FUBP3: variants seen among roughly 807,000 people sequenced by gnomAD.
The protein encoded by FUBP3 is far upstream element binding protein 3.
In FUBP3, 28 loss-of-function variants were observed where a neutral mutation model predicts 85.6. The ratio of observed to expected loss-of-function variants is 0.33; its 90% CI spans 0.24 to 0.45. FUBP3 has a LOEUF of 0.45. Among genes scored for constraint, FUBP3 ranks in the 20% least tolerant of loss-of-function variants. FUBP3 has a pLI of 1.00. For missense variants in FUBP3, 583 were observed against 755.1 expected, an observed-to-expected ratio of 0.77 and a Z score of 2.67; for synonymous variants, 271 against 271.4, an observed-to-expected ratio of 1.00 and a Z score of 0.01.
Position 130,606,734 on chromosome 9 carries a change from C to T in FUBP3, c.191-3220C>T, listed in dbSNP as rs572814265. On this transcript the variant is annotated intron_variant, in intron 2 of 18. Coordinates refer to ENST00000319725, the MANE Select transcript of FUBP3 (RefSeq NM_003934.2). ...ACTCGGGAAGCTGAGGTAGGAGAAT[C>T]GCTTGAACCCAGGAGGCAGAGGTTG... is the stretch of plus-strand genomic sequence containing the variant. Among the ~76,000 whole-genome samples the T allele has an allele frequency of 5.4e-3, 818 of 152,046 alleles. 9 individuals are homozygous for T. Among genetic ancestry groups the T allele is most frequent in the Non-Finnish European group, 8.8e-3 (596 of 67,956 alleles).
chr9:130,605,653 T>C (rs899573838), intron 2 of FUBP3, among the ~76,000 whole-genome samples: 4 of 152,174 alleles, frequency 2.6e-5, no homozygotes, highest in African/African-American at 9.7e-5. Context: ...GTGGTGGTCT[T>C]TCCACTCACA....
At chr9:130,601,680 T>G (rs1336619444) in intron 2 of FUBP3, among the ~76,000 whole-genome samples, 1 of 152,142 alleles carries the variant, frequency 6.6e-6, no homozygotes, top group East Asian at 1.9e-4. Flanking sequence ...AGTACCACAC[T>G]TTCTACTTTT....
At chr9:130,579,912 G>A (rs1283700019) in intron 1 of FUBP3, 148 bp downstream of exon 1, 1 of 470,432 alleles carries the variant, frequency 2.1e-6, no homozygotes. Flanking sequence ...CTACAGCCGG[G>A]AGGAGCCGGG....
At chr9:130,605,408 G>A (rs1209403199) in intron 2 of FUBP3, among the ~76,000 whole-genome samples, 1 of 152,254 alleles carries the variant, frequency 6.6e-6, no homozygotes, top group Non-Finnish European at 1.5e-5. Context: ...ACAGTGATAA[G>A]TGTTGAAACC....
intron 2 of FUBP3, among the ~76,000 whole-genome samples, chr9:130,609,448 G>T: frequency 7.0e-6 from 1 of 143,128 alleles, no homozygotes; most frequent in South Asian, 2.6e-4. Flanking sequence ...GGGGTGGGGG[G>T]GCCGGCGAGG....
intron 12 of FUBP3, among the ~76,000 whole-genome samples, chr9:130,627,751 G>C (rs908806580): frequency 6.6e-6 from 1 of 152,228 alleles, no homozygotes; most frequent in African/African-American, 2.4e-5. Context: ...GCTAGTTGAT[G>C]CCTGTAGGTT....
At position 130,616,560 on chromosome 9, in the gene FUBP3, A is replaced by G; in HGVS notation, c.567+43A>G. On this transcript the variant is annotated intron_variant, in intron 7 of 18. Coordinates refer to ENST00000319725, the MANE Select transcript of FUBP3 (RefSeq NM_003934.2). This position sits in a 1 kb window ranked among gnomAD's most constrained non-coding sequence, Gnocchi z 4.7. ...ACGGAGCACAGCGGCCGCTCGCAGC[A>G]GGTCTTCAGCTTCCTGGCCCAGGAG... The G allele has an allele frequency of 6.3e-7, 1 of 1,593,544 alleles. No homozygotes were observed. Among genetic ancestry groups the G allele is most frequent in the Non-Finnish European group, 8.6e-7 (1 of 1,162,630 alleles).
intron 13 of FUBP3, 135 bp from the exon 14 acceptor site, chr9:130,631,422 G>A (rs1456737733): frequency 8.1e-7 from 1 of 1,241,946 alleles, no homozygotes; most frequent in Non-Finnish European, 1.1e-6. Flanking sequence ...AGGAAGGCTA[G>A]TGTGAGTGCG....
chr9:130,631,215 GCCACTGCT>G, intron 13 of FUBP3: 1 of 1,223,946 alleles, frequency 8.2e-7, no homozygotes, highest in Non-Finnish European at 1.0e-6. Context: ...GGACAGATGG[GCCACTGCT>G]CACCTCAATG....
Position 130,593,327 on chromosome 9 carries a change from G to A in FUBP3, c.85-2156G>A, listed in dbSNP as rs143956540. On this transcript the variant is annotated intron_variant, in intron 1 of 18. Coordinates refer to ENST00000319725, the MANE Select transcript of FUBP3 (RefSeq NM_003934.2). ...TGACTCTTAAGTGCCAGGCCTGGTA[G>A]TTCTCCTTCACCACAAAAGCTCCAG... Among the ~76,000 whole-genome samples the A allele has an allele frequency of 6.0e-3, 921 of 152,318 alleles. 14 individuals carry two copies. Among genetic ancestry groups the A allele is most frequent in the African/African-American group, 0.021 (875 of 41,562 alleles).
intron 1 of FUBP3, among the ~76,000 whole-genome samples, chr9:130,588,923 G>T (rs969004139): frequency 6.6e-6 from 1 of 152,182 alleles, no homozygotes. Context: ...TCCCAGGCAG[G>T]ACCTCTCTGG....
intron 8 of FUBP3, among the ~76,000 whole-genome samples, chr9:130,619,724 G>A (rs972398436): frequency 6.6e-6 from 1 of 152,214 alleles, no homozygotes; most frequent in African/African-American, 2.4e-5. Flanking sequence ...CTTGCCAAGT[G>A]TGTGTTTTGG....
At chr9:130,628,799 C>T (rs1008849693) in intron 12 of FUBP3, among the ~76,000 whole-genome samples, 4 of 151,800 alleles carry the variant, frequency 2.6e-5, no homozygotes, top group African/African-American at 4.8e-5. Flanking sequence ...GATGGAGTTT[C>T]GCTTTTGTTG....
At position 130,617,806 on chromosome 9, in the gene FUBP3, G is replaced by A. The variant is rs767798012; in HGVS notation, c.577G>A (p.Gly193Arg). ...TGTGTGTTCCCCACAGGAGCGGACAGGGGTGAAGATGGTCATGATCCAGGA... is the reference window on the plus strand; with the variant it reads ...TGTGTGTTCCCCACAGGAGCGGACAAGGGTGAAGATGGTCATGATCCAGGA... ...ETIKQLQERT[G>R]VKMVMIQDGP... Residue 193 changes from glycine to arginine, a missense_variant, in exon 8 of 19, where the codon GGG becomes AGG. Coordinates refer to ENST00000319725, the MANE Select transcript of FUBP3 (RefSeq NM_003934.2). 1 of 1,594,018 alleles carries A rather than the reference G, an allele frequency of 6.3e-7. No individual in the cohort carries two copies. The highest frequency in any genetic ancestry group is 8.6e-7 in the Non-Finnish European group (1 of 1,161,604).
At chr9:130,634,507 C>G in intron 16 of FUBP3, 160 bp from the exon 17 acceptor site, 1 of 608,286 alleles carries the variant, frequency 1.6e-6, no homozygotes, top group Non-Finnish European at 2.9e-6. Flanking sequence ...CCCCTTCCCC[C>G]AGCCCTGCCA....
At chr9:130,610,168 T>A (rs1831666780) in intron 3 of FUBP3, among the ~76,000 whole-genome samples, 181 bp downstream of exon 3, 1 of 152,256 alleles carries the variant, frequency 6.6e-6, no homozygotes, top group Non-Finnish European at 1.5e-5. Flanking sequence ...AGGGATAAAC[T>A]AATACAAGGC....
rs141608283 is a variant in FUBP3, at chr9:130,612,902, G to A, written c.275-54G>A. The A allele has an allele frequency of 9.6e-6, 11 of 1,150,502 alleles. No individual in the cohort carries two copies. The highest frequency in any genetic ancestry group is 4.7e-5 in the East Asian group (2 of 42,726). 71.3% of individuals were successfully genotyped at this position (1,150,502 alleles called of 1,614,324 possible). A position where few individuals can be genotyped will look rare whatever the true frequency, so the allele number is the denominator to read the frequency against. ...GTGGAATTAATTCAGTCATTCCTGC[G>A]TGGTGAAATATGGAATAGGGGCGTG... On this transcript the variant is annotated intron_variant, in intron 4 of 18. Coordinates refer to ENST00000319725, the MANE Select transcript of FUBP3 (RefSeq NM_003934.2). The surrounding 1 kb of genome is among the most constrained non-coding windows in gnomAD (Gnocchi z 4.1).
chr9:130,604,900 C>CA lies in FUBP3; in HGVS notation c.191-5039dup, dbSNP rs1267671003. Among the ~76,000 whole-genome samples the CA allele has an allele frequency of 3.2e-3, 230 of 71,078 alleles. 1 individual carries two copies. Among genetic ancestry groups the CA allele is most frequent in the Admixed American group, 6.7e-3 (44 of 6,570 alleles). 46.6% of individuals were successfully genotyped at this position (71,078 alleles called of 152,430 possible). ...CGACAGAGCAAGACTCTGTCTCAAA[C>CA]AAAAAAAAAAAAAAAGAAAGAAATA... On this transcript the variant is annotated intron_variant, in intron 2 of 18. Transcript: ENST00000319725.
chr9:130,635,357 G>A lies in FUBP3; in HGVS notation c.1582+619G>A, dbSNP rs1207029562. Among the ~76,000 whole-genome samples, 4 of 152,304 alleles carry A rather than the reference G, an allele frequency of 2.6e-5. No individual in the cohort carries two copies. Among genetic ancestry groups the A allele is most frequent in the East Asian group, 1.9e-4 (1 of 5,192 alleles). On this transcript the variant is annotated intron_variant, in intron 17 of 18. Coordinates refer to ENST00000319725, the MANE Select transcript of FUBP3 (RefSeq NM_003934.2). This position sits in a 1 kb window ranked among gnomAD's most constrained non-coding sequence, Gnocchi z 4.3. ...GGATATATCCCACGATTACTAGACC[G>A]GAGGACTGAGGGCTTGTTTAAAGAG... is the stretch of plus-strand genomic sequence containing the variant.
Sources: allele counts gnomAD v4.1 joint callset (sites outside exome capture counted in the v4.1 genomes callset), GRCh38; gene constraint gnomAD v4.1.1; non-coding constraint Gnocchi (gnomAD v3.1); transcripts MANE v1.5; gene names NCBI Gene and HGNC (gene_info 2026-07-23, HGNC 2026-07-21).